The following DSCAM variants were observed in gnomAD, a reference collection of about 807,000 sequenced individuals.
DSCAM encodes cell adhesion molecule DSCAM.
A neutral mutation model predicts 217.7 loss-of-function variants in DSCAM; 47 were observed. That is an observed-to-expected ratio of 0.22 (90% confidence interval 0.17 to 0.28). The LOEUF (loss-of-function observed/expected upper bound fraction) is 0.28. DSCAM is among the 10% of genes least tolerant of loss of function. The probability of loss-of-function intolerance (pLI) is 1.00; values close to 1 mark genes in which losing one functional copy is unlikely to be tolerated. For missense variants in DSCAM, 2,080 were observed against 2,618.3 expected (o/e 0.79, Z 4.49); for synonymous variants, 1,056 against 1,015.3 (o/e 1.04, Z -0.76).
At chr21:40,700,508 A>G (rs986291693) in intron 2 of DSCAM, among the ~76,000 whole-genome samples, 1 of 152,208 alleles carries the variant, frequency 6.6e-6, no homozygotes, top group Non-Finnish European at 1.5e-5. Flanking sequence ...CATTATGAAT[A>G]TAAGCCTTTG....
At chr21:40,670,431 A>G (rs1393138671) in intron 3 of DSCAM, among the ~76,000 whole-genome samples, 1 of 151,578 alleles carries the variant, frequency 6.6e-6, no homozygotes, top group African/African-American at 2.4e-5. Context: ...CCAGCTACCC[A>G]GGAGGCTGAG....
intron 21 of DSCAM, among the ~76,000 whole-genome samples, chr21:40,090,157 G>A (rs2089588140): frequency 6.6e-6 from 1 of 152,126 alleles, no homozygotes; most frequent in Non-Finnish European, 1.5e-5. Flanking sequence ...CTAAACCTCA[G>A]TGCTGTGGTC....
chr21:40,539,492 T>C (rs545805244), intron 3 of DSCAM, among the ~76,000 whole-genome samples: 2 of 149,666 alleles, frequency 1.3e-5, no homozygotes, highest in South Asian at 4.2e-4. Flanking sequence ...CGAGACTCCA[T>C]CTCAAAAAAA....
At position 40,210,144 on chromosome 21, in the gene DSCAM, G is replaced by A. The variant is rs192313260; in HGVS notation, c.2357-20906C>T. On this transcript the variant is annotated intron_variant, in intron 11 of 32. Transcript: ENST00000400454. ...AACATGGTTTTCCTTTTCCAGGTAT[G>A]ACTGGCTGGCACTGTTTTGCCATTC... Among the ~76,000 whole-genome samples, 3 of 152,156 alleles carry A rather than the reference G, an allele frequency of 2.0e-5. No individual in the cohort carries two copies. The East Asian group carries it at 5.8e-4, about 30-fold the overall frequency.
chr21:40,808,249 C>T (rs935310088), intron 1 of DSCAM, among the ~76,000 whole-genome samples: 3 of 152,132 alleles, frequency 2.0e-5, no homozygotes, highest in Non-Finnish European at 4.4e-5. Flanking sequence ...TCTCTACTCA[C>T]CAGACCACAA....
chr21:40,617,518 A>G (rs2089419909), intron 3 of DSCAM, among the ~76,000 whole-genome samples: 1 of 152,218 alleles, frequency 6.6e-6, no homozygotes. Flanking sequence ...CCCGAGCAGG[A>G]CACTGGAGAT....
intron 3 of DSCAM, among the ~76,000 whole-genome samples, chr21:40,659,414 ACT>A (rs2090113715): frequency 6.7e-6 from 1 of 148,478 alleles, no homozygotes; most frequent in African/African-American, 2.5e-5. Context: ...TCTCTCTATC[ACT>A]CTAGTTATCT....
chr21:40,256,410 G>C (rs1299333237), intron 11 of DSCAM, among the ~76,000 whole-genome samples: 1 of 151,406 alleles, frequency 6.6e-6, no homozygotes, highest in Non-Finnish European at 1.5e-5. Context: ...CAGACAGAGA[G>C]AGAGAGAGAG....
At position 40,044,291 on chromosome 21, in the gene DSCAM, A is replaced by T; in HGVS notation, c.5186-16T>A. The T allele has an allele frequency of 6.2e-7, 1 of 1,609,436 alleles. No individual in the cohort carries two copies. The highest frequency in any genetic ancestry group is 8.5e-7 in the Non-Finnish European group (1 of 1,177,072). On this transcript the variant is annotated splice_polypyrimidine_tract_variant and intron_variant, in intron 30 of 32. Transcript: ENST00000400454. ...GTGGTGGGATCTGTGAAGAGCCAAG[A>T]ATCATGTCTGCCTTTGTCTGCAGGA... is the stretch of plus-strand genomic sequence containing the variant.
At chr21:40,682,399 A>C (rs564875935) in intron 3 of DSCAM, among the ~76,000 whole-genome samples, 1 of 152,010 alleles carries the variant, frequency 6.6e-6, no homozygotes, top group African/African-American at 2.4e-5. Flanking sequence ...ATTCAGAGAG[A>C]AGATCAACCA....
At chr21:40,747,398 T>G (rs1039222628) in intron 1 of DSCAM, among the ~76,000 whole-genome samples, 1 of 151,546 alleles carries the variant, frequency 6.6e-6, no homozygotes, top group Non-Finnish European at 1.5e-5. Flanking sequence ...TACAAAAATT[T>G]AAAGGACCAT....
chr21:40,086,422 A>C (rs1235513132), intron 22 of DSCAM, among the ~76,000 whole-genome samples: 2 of 152,222 alleles, frequency 1.3e-5, no homozygotes, highest in Non-Finnish European at 2.9e-5. Flanking sequence ...AAAAGTGGTC[A>C]CTAAACCAAA....
At chr21:40,285,254 C>T (rs1365758848) in intron 10 of DSCAM, among the ~76,000 whole-genome samples, 3 of 152,214 alleles carry the variant, frequency 2.0e-5, no homozygotes, top group Non-Finnish European at 4.4e-5. Flanking sequence ...CATTCAAGGT[C>T]TCCAGCCACC....
chr21:40,397,841 C>T (rs1315139197), intron 3 of DSCAM, among the ~76,000 whole-genome samples: 1 of 152,080 alleles, frequency 6.6e-6, no homozygotes, highest in Admixed American at 6.6e-5. Flanking sequence ...ACTACTACCA[C>T]TAATACTACC....
intron 1 of DSCAM, among the ~76,000 whole-genome samples, chr21:40,712,469 C>CAAAAA (rs571819417): frequency 5.5e-4 from 15 of 27,338 alleles, no homozygotes; most frequent in East Asian, 1.3e-3. Context: ...GACTCCGTCT[C>CAAAAA]AAAAAAAAAA....
chr21:40,123,069 C>T (rs143112597), intron 20 of DSCAM, among the ~76,000 whole-genome samples: 1 of 152,220 alleles, frequency 6.6e-6, no homozygotes, highest in African/African-American at 2.4e-5. Context: ...TATATCATTC[C>T]ACATGCATGA....
At chr21:40,439,167 G>A (rs1284574485) in intron 3 of DSCAM, among the ~76,000 whole-genome samples, 2 of 152,122 alleles carry the variant, frequency 1.3e-5, no homozygotes, top group Admixed American at 6.5e-5. Flanking sequence ...CTGTATCATG[G>A]AGCTGTTGTG....
chr21:40,827,424 G>A (rs1306238540), intron 1 of DSCAM, among the ~76,000 whole-genome samples: 2 of 145,004 alleles, frequency 1.4e-5, no homozygotes, highest in Non-Finnish European at 3.0e-5. Flanking sequence ...AACTGTGATT[G>A]TGCCACTGCA....
At position 40,062,868 on chromosome 21, in the gene DSCAM, C is replaced by G; in HGVS notation, c.4919+1G>C. On this transcript the variant is annotated splice_donor_variant, in intron 28 of 32. Transcript: ENST00000400454. LOFTEE classifies it high-confidence loss of function. ...TCTGGGGTGCTAGGTCTTGTTCTTACCTCATGAGCATTTCAGCTAAACTCT... is the reference window on the plus strand; with the variant it reads ...TCTGGGGTGCTAGGTCTTGTTCTTAGCTCATGAGCATTTCAGCTAAACTCT... 6.3e-7 allele frequency: 1 copy of G among 1,594,624 alleles called. No homozygotes were observed. Among genetic ancestry groups the G allele is most frequent in the Non-Finnish European group, 8.5e-7 (1 of 1,173,118 alleles).
Sources: allele counts gnomAD v4.1 joint callset (sites outside exome capture counted in the v4.1 genomes callset), GRCh38; gene constraint gnomAD v4.1.1; transcripts MANE v1.5; gene names NCBI Gene and HGNC (gene_info 2026-07-23, HGNC 2026-07-21).